TIMP2: variants seen among roughly 807,000 people sequenced by gnomAD.
TIMP2 encodes TIMP metallopeptidase inhibitor 2, also known as metalloproteinase inhibitor 2.
A neutral mutation model predicts 24.3 loss-of-function variants in TIMP2; 5 were observed. That is an observed-to-expected ratio of 0.21 (90% CI 0.11 to 0.43). The LOEUF (loss-of-function observed/expected upper bound fraction) is 0.43. TIMP2 is among the 20% of genes least tolerant of loss of function. The pLI, the probability that TIMP2 is intolerant of heterozygous loss-of-function variation, is 1.00. For synonymous variants in TIMP2, 130 were observed against 123.2 expected, an observed-to-expected ratio of 1.06 and a Z score of -0.37; for missense variants, 221 against 297.5, an observed-to-expected ratio of 0.74 and a Z score of 1.89.
chr17:78,869,820 C>CA (rs1008268328), intron 3 of TIMP2, among the ~76,000 whole-genome samples: 5 of 151,176 alleles, frequency 3.3e-5, no homozygotes, highest in African/African-American at 7.3e-5. Flanking sequence ...GTCTCAAAAA[C>CA]AAAAAAAAGA....
At chr17:78,923,376 A>AGT (rs2070322430) in intron 1 of TIMP2, among the ~76,000 whole-genome samples, 1 of 30,908 alleles carries the variant, frequency 3.2e-5, no homozygotes, top group South Asian at 1.4e-3. Flanking sequence ...ACAGCTGAGG[A>AGT]GTGTGTGTGT....
In TIMP2 at chr17:78,855,410, G is replaced by C; in HGVS notation, c.*257C>G. ...GAGGGAAGCCGCGTGTCCCAGCCCT[G>C]CCTGCACCCAAGGATCGAAGCCCCA... On this transcript the variant is annotated 3_prime_UTR_variant, in exon 5 of 5. Coordinates refer to ENST00000262768, the MANE Select transcript of TIMP2 (RefSeq NM_003255.5). The surrounding 1 kb of genome is among the most constrained non-coding windows in gnomAD (Gnocchi z 6.0). 2 of 530,266 alleles carry C rather than the reference G, an allele frequency of 3.8e-6. No homozygotes were observed. Among genetic ancestry groups the C allele is most frequent in the South Asian group, 4.4e-5 (2 of 45,578 alleles). The allele number at this position is 530,266 out of a possible 1,614,324, so 32.8% of individuals were successfully genotyped here. A position where few individuals can be genotyped will look rare whatever the true frequency, so the allele number is the denominator to read the frequency against.
At chr17:78,914,260 C>CATTTATTT (rs200386858) in intron 1 of TIMP2, among the ~76,000 whole-genome samples, 36,325 of 96,592 alleles carry the variant, frequency 0.38, 5,238 homozygotes, top group Admixed American at 0.49. Flanking sequence ...TTTGGCTATT[C>CATTTATTT]ATTTATTTAT....
At chr17:78,866,666 T>A (rs1028652825) in intron 3 of TIMP2, among the ~76,000 whole-genome samples, 4 of 152,038 alleles carry the variant, frequency 2.6e-5, no homozygotes, top group African/African-American at 9.7e-5. Flanking sequence ...GATGACCGGA[T>A]AAACAAAACG....
At chr17:78,904,032 T>C (rs2070132820) in intron 1 of TIMP2, 1 of 144,620 alleles carries the variant, frequency 6.9e-6, no homozygotes. Flanking sequence ...GGGATTCTAG[T>C]GCCTCAGCTT....
intron 1 of TIMP2, chr17:78,902,701 C>T (rs1026982993): frequency 3.3e-5 from 5 of 152,328 alleles, no homozygotes; most frequent in Non-Finnish European, 5.9e-5. Context: ...CAGCTCCCCA[C>T]GTGGGGGGCT....
intron 1 of TIMP2, among the ~76,000 whole-genome samples, chr17:78,908,646 G>A (rs930338360): frequency 3.3e-5 from 5 of 152,130 alleles, no homozygotes; most frequent in South Asian, 4.1e-4. Context: ...CACCTCCCCC[G>A]CAGAGCCTTT....
chr17:78,916,566 C>T (rs2070259612), intron 1 of TIMP2, among the ~76,000 whole-genome samples: 1 of 152,176 alleles, frequency 6.6e-6, no homozygotes, highest in African/African-American at 2.4e-5. Context: ...GACCCATGGC[C>T]CCGCTCAGGG....
intron 1 of TIMP2, among the ~76,000 whole-genome samples, chr17:78,893,058 TGTGTGTGCAGGA>T (rs748958422): frequency 1.3e-3 from 202 of 152,174 alleles, no homozygotes; most frequent in Middle Eastern, 3.4e-3. Flanking sequence ...GCCAAGCATG[TGTGTGTGCAGGA>T]GTGTGTGCAC....
rs1235478767 is a variant in TIMP2 at position 78,855,725 on chromosome 17, G to A, written c.605C>T (p.Ala202Val). The change falls in exon 5 of 5, where the codon GCG (alanine) becomes GTG (valine). Residue 202 changes from alanine (A) to valine (V), a missense_variant. Ala to Val is a moderately conservative substitution (Grantham distance 64, BLOSUM62 0). Transcript: ENST00000262768. The surrounding 1 kb of genome is among the most constrained non-coding windows in gnomAD (Gnocchi z 6.0). ...ACIKRSDGSC[A>V]WYRGAAPPKQ... ...GGGGGGCGCCGCGCCGCGGTACCAC[G>A]CACAGGAGCCGTCACTTCTCTTGAT... is the stretch of plus-strand genomic sequence containing the variant. The A allele has an allele frequency of 6.2e-7, 1 of 1,614,146 alleles. No individual in the cohort carries two copies. The highest frequency in any genetic ancestry group is 8.5e-7 in the Non-Finnish European group (1 of 1,180,040).
chr17:78,918,076 A>ACACACGCG (rs10631362), intron 1 of TIMP2, among the ~76,000 whole-genome samples: 1 of 146,208 alleles, frequency 6.8e-6, no homozygotes, highest in African/African-American at 2.7e-5. Context: ...ACACACACAC[A>ACACACGCG]CACACACACA....
chr17:78,902,690 C>T (rs1004166762), intron 1 of TIMP2: 4 of 152,320 alleles, frequency 2.6e-5, no homozygotes, highest in Non-Finnish European at 4.4e-5. Flanking sequence ...AGCTGAGACG[C>T]CAGCTCCCCA....
intron 3 of TIMP2, among the ~76,000 whole-genome samples, chr17:78,868,517 C>G (rs919407062): frequency 1.6e-4 from 25 of 152,258 alleles, no homozygotes; most frequent in Admixed American, 1.1e-3. Flanking sequence ...TCCTACATTG[C>G]TGGGATTACA....
At chr17:78,875,943 C>T (rs925442015) in intron 1 of TIMP2, among the ~76,000 whole-genome samples, 1 of 152,214 alleles carries the variant, frequency 6.6e-6, no homozygotes, top group African/African-American at 2.4e-5. Context: ...CTTTCTTCTT[C>T]TGTTGGAGCT....
chr17:78,880,998 G>A (rs1467512621), intron 1 of TIMP2, among the ~76,000 whole-genome samples: 1 of 152,206 alleles, frequency 6.6e-6, no homozygotes, highest in East Asian at 1.9e-4. Context: ...ACGTGCTCAG[G>A]CAGCGGGAGA....
At chr17:78,893,772 A>C (rs1421871295) in intron 1 of TIMP2, among the ~76,000 whole-genome samples, 1 of 152,072 alleles carries the variant, frequency 6.6e-6, no homozygotes, top group African/African-American at 2.4e-5. Context: ...TCCTTTTATA[A>C]TGATCAGAGA....
At chr17:78,912,829 C>T (rs917933719) in intron 1 of TIMP2, among the ~76,000 whole-genome samples, 3 of 152,206 alleles carry the variant, frequency 2.0e-5, no homozygotes, top group East Asian at 3.8e-4. Context: ...CCTTGATCAC[C>T]GCCATTCAAC....
chr17:78,861,122 G>A (rs1283428811), intron 3 of TIMP2, among the ~76,000 whole-genome samples: 2 of 152,042 alleles, frequency 1.3e-5, no homozygotes, highest in East Asian at 3.8e-4. Context: ...GATCAGGAAG[G>A]AGCAAAACAG....
intron 3 of TIMP2, among the ~76,000 whole-genome samples, chr17:78,869,570 G>A (rs2069654756): frequency 6.6e-6 from 1 of 152,142 alleles, no homozygotes; most frequent in South Asian, 2.1e-4. Flanking sequence ...CAACACTTTG[G>A]GAGGCTGAGG....
Sources: gnomAD v4.1 joint callset for allele counts (sites outside exome capture counted in the v4.1 genomes callset) on GRCh38, gnomAD v4.1.1 for gene constraint, Gnocchi (gnomAD v3.1) non-coding constraint, MANE v1.5 for transcripts, NCBI Gene and HGNC (gene_info 2026-07-23, HGNC 2026-07-21) for gene names.